Variants in FARP1 observed in about 807,000 individuals in gnomAD.
FARP1 encodes FERM, ARHGEF and pleckstrin domain-containing protein 1.
In FARP1, 52 loss-of-function variants were observed where a neutral mutation model predicts 128.8. That is an observed-to-expected ratio of 0.40 (90% CI 0.32 to 0.51). The LOEUF is 0.51. FARP1 is among the 20% of genes least tolerant of loss of function. The probability of loss-of-function intolerance (pLI) is 0.45; values close to 1 mark genes in which losing one functional copy is unlikely to be tolerated. For missense variants in FARP1, 1,333 were observed against 1,367.9 expected, an observed-to-expected ratio of 0.97 and a Z score of 0.40; for synonymous variants, 580 against 551.8, an observed-to-expected ratio of 1.05 and a Z score of -0.72.
At chr13:98,438,600 C>T (rs778933430) in intron 19 of FARP1, among the ~76,000 whole-genome samples, 2 of 152,180 alleles carry the variant, frequency 1.3e-5, no homozygotes, top group Non-Finnish European at 2.9e-5. Context: ...TGAATCGCAG[C>T]TGAGTGCTGT....
chr13:98,220,539 C>A (rs1881356485), intron 2 of FARP1, among the ~76,000 whole-genome samples: 1 of 152,146 alleles, frequency 6.6e-6, no homozygotes, highest in African/African-American at 2.4e-5. Flanking sequence ...TTTAAGGCTA[C>A]TTTGCTTGGC....
chr13:98,433,191 C>T (rs1892115058), intron 18 of FARP1: 1 of 152,166 alleles, frequency 6.6e-6, no homozygotes, highest in Admixed American at 6.5e-5. Context: ...CCCCGCAAAG[C>T]CGTAACCTAA....
chr13:98,157,409 G>T (rs915142477), intron 1 of FARP1, among the ~76,000 whole-genome samples: 3 of 151,382 alleles, frequency 2.0e-5, no homozygotes, highest in African/African-American at 7.3e-5. Context: ...CACTGCCCCG[G>T]CCTTCCACCA....
chr13:98,233,451 A>T (rs571605999), intron 2 of FARP1, among the ~76,000 whole-genome samples: 2 of 152,222 alleles, frequency 1.3e-5, no homozygotes, highest in East Asian at 3.9e-4. Flanking sequence ...AGGAGAGGGG[A>T]AAGAACTCAG....
At chr13:98,202,787 A>G (rs1880031287) in intron 1 of FARP1, among the ~76,000 whole-genome samples, 3 of 152,050 alleles carry the variant, frequency 2.0e-5, no homozygotes, top group African/African-American at 7.2e-5. Context: ...TGGTACAATC[A>G]TAGCTCACCA....
intron 1 of FARP1, among the ~76,000 whole-genome samples, chr13:98,147,774 A>T (rs1875678532): frequency 6.6e-6 from 1 of 151,868 alleles, no homozygotes; most frequent in South Asian, 2.1e-4. Context: ...CTTTCATCTC[A>T]GTCTCCCGAG....
At chr13:98,433,652 GAGGCTGC>G (rs1892135415) in intron 18 of FARP1, 1 of 152,594 alleles carries the variant, frequency 6.6e-6, no homozygotes, top group African/African-American at 2.4e-5. Context: ...CCAGGAGTTG[GAGGCTGC>G]AGTGAGCTAT....
chr13:98,295,554 C>G (rs1885650909), intron 2 of FARP1, among the ~76,000 whole-genome samples: 1 of 152,196 alleles, frequency 6.6e-6, no homozygotes, highest in African/African-American at 2.4e-5. Flanking sequence ...CTCCCAGTCC[C>G]CCTCTCCTCC....
chr13:98,408,660 A>C (rs1248402633), intron 13 of FARP1, among the ~76,000 whole-genome samples: 1 of 152,146 alleles, frequency 6.6e-6, no homozygotes, highest in African/African-American at 2.4e-5. Flanking sequence ...ATCCTTTCTC[A>C]AGGACTCATG....
At chr13:98,362,867 G>A (rs1367569931) in intron 3 of FARP1, among the ~76,000 whole-genome samples, 4 of 152,152 alleles carry the variant, frequency 2.6e-5, no homozygotes, top group African/African-American at 9.7e-5. Context: ...GTGTTATTCC[G>A]GTTATTGTCA....
chr13:98,298,060 C>G (rs1885774121), intron 2 of FARP1, among the ~76,000 whole-genome samples: 1 of 152,120 alleles, frequency 6.6e-6, no homozygotes, highest in Non-Finnish European at 1.5e-5. Context: ...ACAGGGCGAC[C>G]CAGGATTTCC....
chr13:98,178,735 T>C (rs909808753), intron 1 of FARP1, among the ~76,000 whole-genome samples: 8 of 152,228 alleles, frequency 5.3e-5, no homozygotes, highest in African/African-American at 1.9e-4. Flanking sequence ...AGAAGTTGTG[T>C]GGGTCTCTCT....
At chr13:98,354,777 A>G (rs1012848424) in intron 3 of FARP1, among the ~76,000 whole-genome samples, 4 of 152,238 alleles carry the variant, frequency 2.6e-5, no homozygotes, top group African/African-American at 9.6e-5. Flanking sequence ...AAGAATTGTT[A>G]AACAGACTAT....
intron 3 of FARP1, among the ~76,000 whole-genome samples, chr13:98,363,787 G>C (rs1566919539): frequency 6.6e-6 from 1 of 152,108 alleles, no homozygotes; most frequent in Non-Finnish European, 1.5e-5. Context: ...TGTCCCCCAG[G>C]CTAGAGTGCA....
At chr13:98,361,047 CCT>C (rs1222441424) in intron 3 of FARP1, among the ~76,000 whole-genome samples, 1 of 152,188 alleles carries the variant, frequency 6.6e-6, no homozygotes, top group East Asian at 1.9e-4. Context: ...CGCTCGCCTC[CCT>C]GTGACCCTCG....
In FARP1 at chr13:98,428,870, G is replaced by A. The variant is rs557830255; in HGVS notation, c.1906-2173G>A. Among the ~76,000 whole-genome samples, 5 of 152,352 alleles carry A rather than the reference G, an allele frequency of 3.3e-5. No individual in the cohort carries two copies. The South Asian group carries it at 1.0e-3, about 32-fold the overall frequency. ...GATGATGCCCTCTCAAAATCAAATA[G>A]GGGACCACACGTGTGATAGCATCGC... is the stretch of plus-strand genomic sequence containing the variant. On this transcript the variant is annotated intron_variant, in intron 17 of 26. Transcript: ENST00000319562.
rs73559028 is a variant in FARP1, at chr13:98,319,881, T to C, written c.172-23881T>C. Among the ~76,000 whole-genome samples, 363 of 152,004 alleles carry C rather than the reference T, an allele frequency of 2.4e-3. 2 individuals carry two copies. The highest frequency in any genetic ancestry group is 8.0e-3 in the African/African-American group (333 of 41,438). Reference sequence around the variant, plus strand: ...GACTTTTTTTTTTCTTGAAAATAAGTTGGAAAAAAAGTTAAAAGTGTGTTT... The same window carrying C: ...GACTTTTTTTTTTCTTGAAAATAAGCTGGAAAAAAAGTTAAAAGTGTGTTT... On this transcript the variant is annotated intron_variant, in intron 2 of 26. Coordinates refer to ENST00000319562, the MANE Select transcript of FARP1 (RefSeq NM_005766.4).
At chr13:98,305,118 A>T (rs200126492) in intron 2 of FARP1, among the ~76,000 whole-genome samples, 5,343 of 102,912 alleles carry the variant, frequency 0.052, 140 homozygotes, top group African/African-American at 0.099. Flanking sequence ...ATATATATAT[A>T]TTTTTTAATT....
At chr13:98,256,923 C>A (rs1297459521) in intron 2 of FARP1, among the ~76,000 whole-genome samples, 12 of 86,296 alleles carry the variant, frequency 1.4e-4, no homozygotes, top group Non-Finnish European at 2.3e-4. Flanking sequence ...TAAATAATAA[C>A]AATAATTTTC....
Sources: allele counts gnomAD v4.1 joint callset (sites outside exome capture counted in the v4.1 genomes callset), GRCh38; gene constraint gnomAD v4.1.1; transcripts MANE v1.5; gene names NCBI Gene and HGNC (gene_info 2026-07-23, HGNC 2026-07-21).